LRRC37A2: variants seen among roughly 807,000 people sequenced by gnomAD.
The protein encoded by LRRC37A2 is leucine-rich repeat-containing protein 37A2.
LRRC37A2 carries 9 observed loss-of-function variants against 68.8 expected under a neutral mutation model. The observed-to-expected ratio is 0.13, with a 90% CI of 0.08 to 0.23. The LOEUF is 0.23. Among genes scored for constraint, LRRC37A2 ranks in the 10% least tolerant of loss-of-function variants. LRRC37A2 has a pLI of 1.00. For missense variants in LRRC37A2, 168 were observed against 950.4 expected (o/e 0.18, Z 10.82); for synonymous variants, 63 against 367.6 (o/e 0.17, Z 9.48).
At chr17:46,788,853 G>A in the LRRC37A2 span, among the ~76,000 whole-genome samples, 33 of 152,124 alleles carry the variant, frequency 2.2e-4, no homozygotes, top group Non-Finnish European at 3.8e-4. Context: ...TCTCCACGGC[G>A]AGCTGAGGGC....
the LRRC37A2 span, among the ~76,000 whole-genome samples, chr17:46,781,182 C>T: frequency 7.9e-5 from 12 of 151,360 alleles, no homozygotes; most frequent in Non-Finnish European, 2.9e-5. Flanking sequence ...GAGCCAGTTG[C>T]GCCACTGCAC....
chr17:46,940,695 C>T, the LRRC37A2 span: 2 of 1,609,540 alleles, frequency 1.2e-6, no homozygotes, highest in Non-Finnish European at 1.7e-6. Context: ...TCGTGGTGTG[C>T]ACCAGTGCTT....
the LRRC37A2 span, among the ~76,000 whole-genome samples, chr17:46,865,536 T>C: frequency 1.3e-5 from 2 of 150,448 alleles, no homozygotes; most frequent in Non-Finnish European, 3.0e-5. Context: ...GATCCAGGAG[T>C]AGGGGTTGGG....
At chr17:46,728,988 C>T in the LRRC37A2 span, 9 of 1,077,450 alleles carry the variant, frequency 8.4e-6, no homozygotes, top group East Asian at 2.4e-5. Context: ...TTCAGTAAAT[C>T]GCATATAATG....
the LRRC37A2 span, among the ~76,000 whole-genome samples, chr17:46,976,360 C>T: frequency 1.3e-5 from 2 of 151,178 alleles, no homozygotes; most frequent in East Asian, 2.0e-4. Flanking sequence ...TGGTGAAACC[C>T]GGTCTCTACT....
chr17:46,983,234 T>A, the LRRC37A2 span, among the ~76,000 whole-genome samples: 1 of 151,900 alleles, frequency 6.6e-6, no homozygotes, highest in East Asian at 1.9e-4. Context: ...GGACCCCATC[T>A]GGCCTGGACC....
the LRRC37A2 span, among the ~76,000 whole-genome samples, chr17:46,896,388 G>GAA: frequency 7.9e-6 from 1 of 126,904 alleles, no homozygotes; most frequent in Non-Finnish European, 1.6e-5. Context: ...AAGAAAGAAA[G>GAA]AAAGAGAAAG....
chr17:46,673,911 GTGT>G, the LRRC37A2 span, among the ~76,000 whole-genome samples: 3 of 5,482 alleles, frequency 5.5e-4, 1 homozygote, highest in East Asian at 4.5e-3. Flanking sequence ...TTCCATGGGG[GTGT>G]GTGTGTGTGT....
chr17:46,905,328 G>T, the LRRC37A2 span, among the ~76,000 whole-genome samples: 15 of 151,996 alleles, frequency 9.9e-5, no homozygotes, highest in Admixed American at 8.5e-4. Flanking sequence ...CACCTGCCTC[G>T]GCCTCCCAAA....
the LRRC37A2 span, chr17:46,773,935 A>G: frequency 8.1e-6 from 13 of 1,606,952 alleles, no homozygotes; most frequent in East Asian, 2.5e-4. Context: ...GGGTAGTAAC[A>G]CTGTGGGCAC....
chr17:46,832,297 T>C, the LRRC37A2 span, among the ~76,000 whole-genome samples: 1 of 151,240 alleles, frequency 6.6e-6, no homozygotes, highest in Non-Finnish European at 1.5e-5. Context: ...CCGGCTGAGC[T>C]GCCCGGAGGG....
At chr17:46,808,034 C>T in the LRRC37A2 span, among the ~76,000 whole-genome samples, 2 of 152,102 alleles carry the variant, frequency 1.3e-5, no homozygotes, top group Non-Finnish European at 1.5e-5. Flanking sequence ...CTTTCTAGCA[C>T]GTATATGATG....
the LRRC37A2 span, among the ~76,000 whole-genome samples, chr17:46,840,033 TTTCTTTCTTTCTTTCTC>T: frequency 1.7e-4 from 23 of 135,792 alleles, no homozygotes; most frequent in East Asian, 4.9e-3. Context: ...CTTTCTTTCT[TTTCTTTCTTTCTTTCTC>T]TCTCTCTCTT....
chr17:46,816,934 C>G, the LRRC37A2 span, among the ~76,000 whole-genome samples: 1 of 152,218 alleles, frequency 6.6e-6, no homozygotes, highest in Non-Finnish European at 1.5e-5. Flanking sequence ...CCAGACTGGC[C>G]GAACCTCCTT....
chr17:46,496,680 C>T, the LRRC37A2 span, among the ~76,000 whole-genome samples: 8 of 135,652 alleles, frequency 5.9e-5, no homozygotes, highest in East Asian at 4.2e-4. Flanking sequence ...TTTGGAAGGC[C>T]GAGGCAGGTG....
At chr17:46,900,221 A>ATATATATATG in the LRRC37A2 span, among the ~76,000 whole-genome samples, 1 of 126,174 alleles carries the variant, frequency 7.9e-6, no homozygotes, top group South Asian at 2.2e-4. Context: ...ACACACACAC[A>ATATATATATG]TATATATATA....
chr17:46,953,872 T>G, the LRRC37A2 span, among the ~76,000 whole-genome samples: 1 of 152,242 alleles, frequency 6.6e-6, no homozygotes, highest in Non-Finnish European at 1.5e-5. Flanking sequence ...CTTCGCCCAC[T>G]TGTTGATGGG....
chr17:46,492,291 ATTT>A, the LRRC37A2 span, among the ~76,000 whole-genome samples: 2 of 150,978 alleles, frequency 1.3e-5, no homozygotes, highest in Non-Finnish European at 2.9e-5. Flanking sequence ...AGGTATTTTA[ATTT>A]TTTAGTTTAT....
the LRRC37A2 span, among the ~76,000 whole-genome samples, chr17:46,816,409 C>T: frequency 6.6e-4 from 99 of 151,098 alleles, no homozygotes; most frequent in Non-Finnish European, 1.1e-3. Context: ...GGCACAAACA[C>T]TTTTGCACAC....
Sources: gnomAD v4.1 joint callset for allele counts (sites outside exome capture counted in the v4.1 genomes callset) on GRCh38, gnomAD v4.1.1 for gene constraint, MANE v1.5 for transcripts, NCBI Gene and HGNC (gene_info 2026-07-23, HGNC 2026-07-21) for gene names.